The following DENND4C variants were observed in gnomAD, a reference collection of about 807,000 sequenced individuals.
The protein encoded by DENND4C is DENN domain-containing protein 4C.
Under a neutral mutation model 203.0 loss-of-function variants are expected in DENND4C, and 108 were observed. The ratio of observed to expected loss-of-function variants is 0.53; its 90% confidence interval spans 0.46 to 0.62. The LOEUF is 0.62. Among genes scored for constraint, DENND4C ranks in the 20% least tolerant of loss-of-function variants. DENND4C has a pLI of 0.00. For synonymous variants in DENND4C, 871 were observed against 792.4 expected, an observed-to-expected ratio of 1.10 and a Z score of -1.67; for missense variants, 2,481 against 2,301.2, an observed-to-expected ratio of 1.08 and a Z score of -1.60.
chr9:19,298,150 G>T (rs766637354), intron 7 of DENND4C, 28 bp downstream of exon 7: 5 of 1,593,018 alleles, frequency 3.1e-6, no homozygotes, highest in African/African-American at 1.3e-5. Flanking sequence ...TATTTGGGGA[G>T]AACTTTGCAT....
At chr9:19,272,880 G>A (rs931532128) in intron 1 of DENND4C, among the ~76,000 whole-genome samples, 1 of 150,546 alleles carries the variant, frequency 6.6e-6, no homozygotes, top group Non-Finnish European at 1.5e-5. Flanking sequence ...TGATTCTCCT[G>A]TCTCAGCCTC....
chr9:19,254,350 G>A (rs1827397297), intron 1 of DENND4C, among the ~76,000 whole-genome samples: 1 of 152,154 alleles, frequency 6.6e-6, no homozygotes, highest in Non-Finnish European at 1.5e-5. Context: ...GTCCATCGAC[G>A]GATGAATGTG....
chr9:19,332,161 A>G lies in DENND4C; in HGVS notation c.2437A>G (p.Thr813Ala). 1 of 1,613,964 alleles carries G rather than the reference A, an allele frequency of 6.2e-7. No individual in the cohort carries two copies. The highest frequency in any genetic ancestry group is 8.5e-7 in the Non-Finnish European group (1 of 1,179,924). ...TGATGTACTTATTAAGATGAGGAAA[A>G]CAGATGTGGATCCCTTAGATGAGGC... ...AYDVLIKMRK[T>A]DVDPLDEVCY... is the part of the protein sequence containing the mutation. The change falls in exon 17 of 33, where the codon ACA becomes GCA. Residue 813 changes from threonine to alanine, a missense_variant. This residue lies in a region of DENND4C where 2,289 missense variants were observed against 2,113.3 expected (regional missense o/e 1.08). Transcript: ENST00000434457.
intron 6 of DENND4C, among the ~76,000 whole-genome samples, chr9:19,296,562 C>A (rs1321373675): frequency 6.6e-6 from 1 of 152,010 alleles, no homozygotes; most frequent in African/African-American, 2.4e-5. Context: ...ACCATCTTGG[C>A]CAGGCTGGTC....
rs1160446523 is a variant in DENND4C, at chr9:19,373,496, C to T, written c.*1323C>T. ...TTGCACTGCACACGGAAGTTTTATT[C>T]TTGTATATTTAGATTTGTATGCTTG... On this transcript the variant is annotated 3_prime_UTR_variant, in exon 33 of 33. Transcript: ENST00000434457. The T allele has an allele frequency of 6.6e-6, 1 of 152,468 alleles. No individual in the cohort carries two copies. The highest frequency in any genetic ancestry group is 1.9e-4 in the East Asian group (1 of 5,196). The allele number at this position is 152,468 out of a possible 1,614,324, so 9.4% of individuals were successfully genotyped here. A position where few individuals can be genotyped will look rare whatever the true frequency, so the allele number is the denominator to read the frequency against.
At chr9:19,363,481 G>A (rs1030240235) in intron 30 of DENND4C, among the ~76,000 whole-genome samples, 1 of 150,898 alleles carries the variant, frequency 6.6e-6, no homozygotes, top group Non-Finnish European at 1.5e-5. Flanking sequence ...CAGCCTGGGC[G>A]ACAGAGTGAG....
chr9:19,287,398 GA>G (rs1408085159), intron 3 of DENND4C, among the ~76,000 whole-genome samples: 1 of 151,966 alleles, frequency 6.6e-6, no homozygotes, highest in East Asian at 1.9e-4. Context: ...ATTTTTTTGA[GA>G]CAGGGTCTTG....
intron 2 of DENND4C, among the ~76,000 whole-genome samples, chr9:19,277,171 G>A (rs895780296): frequency 6.6e-6 from 1 of 151,936 alleles, no homozygotes; most frequent in Non-Finnish European, 1.5e-5. Context: ...CTAAAATATA[G>A]ATATTTGGGA....
rs949796353 is a variant in DENND4C, at chr9:19,295,880, T to A, written c.802-128T>A. The A allele has an allele frequency of 6.3e-5, 37 of 587,822 alleles. No individual in the cohort carries two copies. The African/African-American group carries it at 7.4e-4, about 12-fold the overall frequency. The allele number at this position is 587,822 out of a possible 1,614,324, so 36.4% of individuals were successfully genotyped here. On this transcript the variant is annotated intron_variant, in intron 5 of 32. Transcript: ENST00000434457. ...CTCTGGGACAGAAATTTGGGTGAGA[T>A]TTTTTTTTTCATAATTTATCTGTAT... is the stretch of plus-strand genomic sequence containing the variant.
Position 19,336,472 on chromosome 9 carries a change from T to C in DENND4C, c.2734+58T>C, listed in dbSNP as rs370260504. On this transcript the variant is annotated intron_variant, in intron 19 of 32. Coordinates refer to ENST00000434457, the MANE Select transcript of DENND4C (RefSeq NM_001330640.2). Reference sequence around the variant, plus strand: ...CTGAACCATGAGCTTTATAGGCATATGAATTTTTAGCTATGTGAAGTAGAA... The same window carrying C: ...CTGAACCATGAGCTTTATAGGCATACGAATTTTTAGCTATGTGAAGTAGAA... 3.2e-6 allele frequency: 5 copies of C among 1,546,588 alleles called. No homozygotes were observed. The South Asian group carries it at 3.7e-5, about 11-fold the overall frequency.
chr9:19,309,573 T>A (rs1003258591), intron 10 of DENND4C, among the ~76,000 whole-genome samples: 1 of 151,142 alleles, frequency 6.6e-6, no homozygotes, highest in African/African-American at 2.4e-5. Context: ...GGTATGAGAC[T>A]TTTTTTTTGG....
Position 19,324,406 on chromosome 9 carries a change from C to A in DENND4C, c.1852C>A (p.Leu618Ile). Residue 618 changes from leucine (L) to isoleucine (I), a missense_variant, in exon 13 of 33, where the codon CTT (leucine) becomes ATT (isoleucine). By Grantham distance (5) the Leu-to-Ile change is conservative. Transcript: ENST00000434457. ...TCGTGCCTATGCAAAATTCTATACCCTTTTATCCAAAACACAGATTTTTAT... is the reference window on the plus strand; with the variant it reads ...TCGTGCCTATGCAAAATTCTATACCATTTTATCCAAAACACAGATTTTTAT... ...RDRAYAKFYT[L>I]LSKTQIFIRF... The A allele has an allele frequency of 6.2e-7, 1 of 1,612,374 alleles. No individual in the cohort carries two copies. The highest frequency in any genetic ancestry group is 8.5e-7 in the Non-Finnish European group (1 of 1,179,410).
At chr9:19,242,344 A>G (rs1392706217) in intron 1 of DENND4C, among the ~76,000 whole-genome samples, 1 of 152,188 alleles carries the variant, frequency 6.6e-6, no homozygotes, top group African/African-American at 2.4e-5. Context: ...CCTTGGTTCC[A>G]GGTTTTGGTG....
At chr9:19,354,966 G>C (rs1212240210) in intron 26 of DENND4C, among the ~76,000 whole-genome samples, 1 of 149,260 alleles carries the variant, frequency 6.7e-6, no homozygotes, top group Admixed American at 6.7e-5. Flanking sequence ...CTGGAGTACA[G>C]TGGCGCAATC....
chr9:19,346,448 C>G lies in DENND4C; in HGVS notation c.3679C>G (p.Leu1227Val), dbSNP rs1015491052. 6.2e-7 allele frequency: 1 copy of G among 1,613,946 alleles called. No homozygotes were observed. The highest frequency in any genetic ancestry group is 1.3e-5 in the African/African-American group (1 of 74,880). The change falls in exon 23 of 33, where the codon CTG becomes GTG. Residue 1227 changes from leucine to valine, a missense_variant. By Grantham distance (32) the Leu-to-Val change is conservative. This residue lies in a region of DENND4C where 2,289 missense variants were observed against 2,113.3 expected (regional missense o/e 1.08). Coordinates refer to ENST00000434457, the MANE Select transcript of DENND4C (RefSeq NM_001330640.2). ...SRDLKTVSKD[L>V]RNKRSSLYGI... ...AGACTTGAAAACAGTATCCAAAGAT[C>G]TGAGGAATAAGAGAAGTAGTTTATA...
chr9:19,346,407 A>T lies in DENND4C; in HGVS notation c.3638A>T (p.Asn1213Ile). Residue 1213 changes from asparagine (N) to isoleucine (I), a missense_variant, in exon 23 of 33, where the codon AAC becomes ATC. Asn to Ile is a moderately radical substitution (Grantham distance 149, BLOSUM62 -3). Coordinates refer to ENST00000434457, the MANE Select transcript of DENND4C (RefSeq NM_001330640.2). Reference sequence around the variant, plus strand: ...TATGAGAGTCTACTAAGTGATAGTAACAGTAATCAGTCCAGAGACTTGAAA... The same window carrying T: ...TATGAGAGTCTACTAAGTGATAGTATCAGTAATCAGTCCAGAGACTTGAAA... ...DTYESLLSDS[N>I]SNQSRDLKTV... 6.2e-7 allele frequency: 1 copy of T among 1,614,190 alleles called. No individual in the cohort carries two copies. The highest frequency in any genetic ancestry group is 8.5e-7 in the Non-Finnish European group (1 of 1,180,036).
chr9:19,278,505 C>G (rs1006544003), intron 2 of DENND4C, among the ~76,000 whole-genome samples: 2 of 152,136 alleles, frequency 1.3e-5, no homozygotes, highest in Non-Finnish European at 2.9e-5. Context: ...TCATCACCCA[C>G]TCTTGTTGCA....
chr9:19,274,611 T>C (rs1832487817), intron 1 of DENND4C, among the ~76,000 whole-genome samples: 1 of 152,174 alleles, frequency 6.6e-6, no homozygotes, highest in Non-Finnish European at 1.5e-5. Flanking sequence ...TGTTTCACTA[T>C]CTTGATTGTG....
chr9:19,328,169 T>C lies in DENND4C; in HGVS notation c.2253+7T>C. The C allele has an allele frequency of 3.1e-6, 5 of 1,600,278 alleles. No homozygotes were observed. Among genetic ancestry groups the C allele is most frequent in the Non-Finnish European group, 4.3e-6 (5 of 1,176,012 alleles). ...GGCTAAGAGAACTAAACAGGTCAGA[T>C]ATTCTTTATCTAATACATGTTCATT... On this transcript the variant is annotated splice_region_variant and intron_variant, in intron 16 of 32. Transcript: ENST00000434457.
Sources: gnomAD v4.1 joint callset for allele counts (sites outside exome capture counted in the v4.1 genomes callset) on GRCh38, gnomAD v4.1.1 for gene constraint, gnomAD v4.1.1 regional missense constraint, MANE v1.5 for transcripts, NCBI Gene and HGNC (gene_info 2026-07-23, HGNC 2026-07-21) for gene names.